Variants in LIPN observed in about 807,000 individuals in gnomAD.
LIPN encodes the protein lipase member N.
A neutral mutation model predicts 43.7 loss-of-function variants in LIPN; 32 were observed. The ratio of observed to expected loss-of-function variants is 0.73; its 90% confidence interval spans 0.55 to 0.98. The LOEUF is 0.98. LIPN is among the 50% of genes least tolerant of loss of function. The probability of loss-of-function intolerance (pLI) is 0.00; values close to 1 mark genes in which losing one functional copy is unlikely to be tolerated. For synonymous variants in LIPN, 156 were observed against 157.6 expected (o/e 0.99, Z 0.08); for missense variants, 505 against 483.8 (o/e 1.04, Z -0.41).
Position 88,768,872 on chromosome 10 carries a change from A to C in LIPN, c.616A>C (p.Lys206Gln), listed in dbSNP as rs760706105. The C allele has an allele frequency of 6.2e-7, 1 of 1,611,616 alleles. No individual in the cohort carries two copies. Among genetic ancestry groups the C allele is most frequent in the East Asian group, 2.2e-5 (1 of 44,780 alleles). ...NFALGPTISFKYPTGIFTRFF... is the reference protein window; with the variant it reads ...NFALGPTISFQYPTGIFTRFF... ...TGCCTTGGGTCCTACGATCTCATTC[A>C]AATATCCCACGGGCATTTTTACCAG... Residue 206 changes from lysine (K) to glutamine (Q), a missense_variant, in exon 6 of 10, where the codon AAA becomes CAA. Transcript: ENST00000404459.
intron 3 of LIPN, among the ~76,000 whole-genome samples, chr10:88,763,467 A>T (rs933741405): frequency 6.6e-6 from 1 of 152,102 alleles, no homozygotes; most frequent in African/African-American, 2.4e-5. Flanking sequence ...CATTCATTAG[A>T]TGTAATGTTC....
At chr10:88,758,728 A>G (rs1300975895), upstream of LIPN, among the ~76,000 whole-genome samples, 1 of 151,990 alleles carries the variant, frequency 6.6e-6, no homozygotes, top group Non-Finnish European at 1.5e-5. Flanking sequence ...TGCACAAACA[A>G]AAGAATTACA....
At chr10:88,765,734 G>A (rs147274358) in intron 4 of LIPN, among the ~76,000 whole-genome samples, 46 of 151,952 alleles carry the variant, frequency 3.0e-4, no homozygotes, top group Non-Finnish European at 6.0e-4. Flanking sequence ...AGCCAGAGTC[G>A]TTTCTTTCAT....
intron 4 of LIPN, among the ~76,000 whole-genome samples, chr10:88,766,022 T>A (rs964317764): frequency 1.3e-5 from 2 of 151,884 alleles, no homozygotes; most frequent in Admixed American, 1.3e-4. Context: ...AGAGGAGGGA[T>A]CATAAGGTTG....
chr10:88,774,413 G>C (rs1348422387), intron 7 of LIPN, 60 bp from the exon 8 acceptor site: 1 of 1,141,538 alleles, frequency 8.8e-7, no homozygotes, highest in East Asian at 2.4e-5. Flanking sequence ...ATTTTTCTCT[G>C]ATTCTGAAAG....
In LIPN at chr10:88,761,403, T is replaced by G. The variant is rs370558551; in HGVS notation, c.-3T>G. 5.0e-6 allele frequency: 8 copies of G among 1,594,258 alleles called. No homozygotes were observed. Among genetic ancestry groups the G allele is most frequent in the Non-Finnish European group, 6.9e-6 (8 of 1,162,662 alleles). ...TATTAAATGTTTTATGCCAGGCATT[T>G]CTATGATGTGGCTGCTTTTAACAAC... is the stretch of plus-strand genomic sequence containing the variant. On this transcript the variant is annotated 5_prime_UTR_variant, in exon 2 of 10. Coordinates refer to ENST00000404459, the MANE Select transcript of LIPN (RefSeq NM_001102469.2).
intron 3 of LIPN, among the ~76,000 whole-genome samples, chr10:88,763,667 A>G (rs1475033396): frequency 1.3e-5 from 2 of 152,034 alleles, no homozygotes; most frequent in South Asian, 4.1e-4. Flanking sequence ...GCTCTTAGTC[A>G]TTAAATTATA....
upstream of LIPN, among the ~76,000 whole-genome samples, chr10:88,758,353 T>C (rs929893193): frequency 7.5e-6 from 1 of 132,932 alleles, no homozygotes; most frequent in Admixed American, 8.0e-5. Flanking sequence ...TCCACTATCA[T>C]CTAATTTTAT....
At chr10:88,769,391 G>A (rs143463334) in intron 6 of LIPN, among the ~76,000 whole-genome samples, 3 of 151,924 alleles carry the variant, frequency 2.0e-5, no homozygotes, top group African/African-American at 7.2e-5. Flanking sequence ...CTAAAGCTAA[G>A]ATTCCAAAGC....
upstream of LIPN, among the ~76,000 whole-genome samples, chr10:88,758,896 T>A (rs1319583954): frequency 6.6e-6 from 1 of 152,054 alleles, no homozygotes; most frequent in African/African-American, 2.4e-5. Context: ...AGGCAACAAA[T>A]CAATATTAAT....
In LIPN at chr10:88,761,398, G is replaced by A. The variant is rs767871689; in HGVS notation, c.-8G>A. The stretch of plus-strand genomic sequence containing the variant: ...GTGAATATTAAATGTTTTATGCCAG[G>A]CATTTCTATGATGTGGCTGCTTTTA... On this transcript the variant is annotated splice_region_variant and 5_prime_UTR_variant, in exon 2 of 10. Transcript: ENST00000404459. The A allele has an allele frequency of 9.1e-6, 14 of 1,545,990 alleles. No individual in the cohort carries two copies. The highest frequency in any genetic ancestry group is 1.4e-5 in the African/African-American group (1 of 73,400).
In LIPN at chr10:88,768,915, AT is replaced by A; in HGVS notation, c.661del (p.Ser221ProfsTer2). ...TTTACCAGGTTTTTTCTACTTCCAA[AT>A]TCCATAATCAAGGTAGGCTCCTTTC... ...GIFTRFFLLP[N>X]SIIKAVFGTK... On this transcript the variant is annotated frameshift_variant, in exon 6 of 10. Coordinates refer to ENST00000404459, the MANE Select transcript of LIPN (RefSeq NM_001102469.2). LOFTEE classifies it high-confidence loss of function. 6.2e-7 allele frequency: 1 copy of A among 1,611,278 alleles called. No individual in the cohort carries two copies. Among genetic ancestry groups the A allele is most frequent in the Non-Finnish European group, 8.5e-7 (1 of 1,178,218 alleles).
chr10:88,775,355 C>T (rs1238409709), intron 9 of LIPN, among the ~76,000 whole-genome samples, 192 bp downstream of exon 9: 1 of 151,676 alleles, frequency 6.6e-6, no homozygotes, highest in African/African-American at 2.4e-5. Context: ...TACAAAGAAA[C>T]TTACATCATG....
chr10:88,768,732 G>A (rs1843152974), intron 5 of LIPN, 60 bp from the exon 6 acceptor site: 1 of 1,494,002 alleles, frequency 6.7e-7, no homozygotes, highest in African/African-American at 1.4e-5. Flanking sequence ...CCCCAATTTT[G>A]TTAGAAACAC....
chr10:88,761,028 T>A (rs1209496814), intron 1 of LIPN, among the ~76,000 whole-genome samples: 1 of 152,150 alleles, frequency 6.6e-6, no homozygotes, highest in Non-Finnish European at 1.5e-5. Context: ...AACTAGGGGA[T>A]ACCTCCACTT....
intron 4 of LIPN, 80 bp from the exon 5 acceptor site, chr10:88,766,189 T>TA (rs1843093096): frequency 5.5e-6 from 4 of 728,140 alleles, no homozygotes; most frequent in South Asian, 1.6e-5. Context: ...AATCTGGGTG[T>TA]AAAAAAGAAG....
At chr10:88,771,535 C>T (rs558028127) in intron 7 of LIPN, among the ~76,000 whole-genome samples, 2 of 151,790 alleles carry the variant, frequency 1.3e-5, no homozygotes, top group African/African-American at 4.8e-5. Flanking sequence ...TTGTGCCTGG[C>T]TTATTTCACT....
In LIPN at chr10:88,778,345, G is replaced by T; in HGVS notation, c.*103G>T. 1 of 742,458 alleles carries T rather than the reference G, an allele frequency of 1.3e-6. No individual in the cohort carries two copies. Among genetic ancestry groups the T allele is most frequent in the Non-Finnish European group, 2.2e-6 (1 of 449,388 alleles). 46.0% of individuals were successfully genotyped at this position (742,458 alleles called of 1,614,324 possible). On this transcript the variant is annotated 3_prime_UTR_variant, in exon 10 of 10. Transcript: ENST00000404459. ...GAGGTTGTCCCCCAGCACCCTGGGG[G>T]AGATGCACAGTGGAGTCTGTTTTCC...
At chr10:88,761,783 C>CTATCTATCTATT (rs1487728070) in intron 2 of LIPN, among the ~76,000 whole-genome samples, 38 of 14,800 alleles carry the variant, frequency 2.6e-3, no homozygotes, top group African/African-American at 6.1e-3. Flanking sequence ...ATCTATTTAT[C>CTATCTATCTATT]TATCTATCTA....
Sources: allele counts gnomAD v4.1 joint callset (sites outside exome capture counted in the v4.1 genomes callset), GRCh38; gene constraint gnomAD v4.1.1; transcripts MANE v1.5; gene names NCBI Gene and HGNC (gene_info 2026-07-23, HGNC 2026-07-21).